CAPN14: variants seen among roughly 807,000 people sequenced by gnomAD.
CAPN14 encodes calpain-14.
A neutral mutation model predicts 101.3 loss-of-function variants in CAPN14; 94 were observed. That is an observed-to-expected ratio of 0.93 (90% confidence interval 0.79 to 1.10). The LOEUF is 1.10. Ranked by LOEUF, CAPN14 falls within the 50% of genes least tolerant of loss-of-function variation. The probability of loss-of-function intolerance (pLI) is 0.00; values close to 1 mark genes in which losing one functional copy is unlikely to be tolerated. For synonymous variants in CAPN14, 338 were observed against 317.9 expected (o/e 1.06, Z -0.67); for missense variants, 837 against 828.4 (o/e 1.01, Z -0.13).
intron 1 of CAPN14, among the ~76,000 whole-genome samples, chr2:31,207,723 G>A (rs996282357): frequency 6.6e-5 from 10 of 152,076 alleles, no homozygotes; most frequent in Admixed American, 2.6e-4. Context: ...CAGAGATGGC[G>A]GCACTGCACT....
In CAPN14 at chr2:31,174,390, T is replaced by C; in HGVS notation, c.*291A>G. The C allele has an allele frequency of 1.8e-6, 1 of 540,642 alleles. No individual in the cohort carries two copies. The highest frequency in any genetic ancestry group is 3.3e-6 in the Non-Finnish European group (1 of 302,056). The allele number at this position is 540,642 out of a possible 1,614,324, so 33.5% of individuals were successfully genotyped here. A position where few individuals can be genotyped will look rare whatever the true frequency, so the allele number is the denominator to read the frequency against. On this transcript the variant is annotated 3_prime_UTR_variant, in exon 22 of 22. Transcript: ENST00000403897. ...AACCACACCAGCTCTGGAGTCAGAATGCTTAGGCCATGTCAGGTAACATCT... is the reference window on the plus strand; with the variant it reads ...AACCACACCAGCTCTGGAGTCAGAACGCTTAGGCCATGTCAGGTAACATCT...
At chr2:31,228,281 G>C (rs1463648046) in intron 1 of CAPN14, 1 of 152,270 alleles carries the variant, frequency 6.6e-6, no homozygotes, top group Non-Finnish European at 1.5e-5. Context: ...CTTCTGGCCA[G>C]ACTCTGGTGT....
In CAPN14 at chr2:31,225,105, C is replaced by T. The variant is rs569244129; in HGVS notation, c.-53+1423G>A. On this transcript the variant is annotated intron_variant and NMD_transcript_variant, in intron 2 of 21. Coordinates refer to the CAPN14 transcript ENST00000398824. ...ATGTCCTTACTGTAAAAATTAAAAA[C>T]TCTTTCAAAACAATACGAAAAACAC... Among the ~76,000 whole-genome samples, 18 of 152,088 alleles carry T rather than the reference C, an allele frequency of 1.2e-4. No individual in the cohort carries two copies. In the South Asian group the frequency reaches 3.7e-3, roughly 32 times the overall value.
intron 1 of CAPN14, among the ~76,000 whole-genome samples, chr2:31,231,080 T>C (rs1683177684): frequency 6.6e-6 from 1 of 152,148 alleles, no homozygotes; most frequent in East Asian, 1.9e-4. Context: ...CATTGCTATG[T>C]TACTGTTGTC....
rs77745998 is a variant in CAPN14, at chr2:31,191,372, G to A, written c.1287+27C>T. 9.8e-4 allele frequency: 1,503 copies of A among 1,541,308 alleles called. 17 individuals are homozygous for A. The African/African-American group carries it at 0.018, about 19-fold the overall frequency. On this transcript the variant is annotated intron_variant, in intron 12 of 21. Coordinates refer to ENST00000403897, the MANE Select transcript of CAPN14 (RefSeq NM_001145122.2). ...CACATGTGATGTCACCCCAAACTAG[G>A]GCCACCCGGTCAAGTGCAGAACTCA...
intron 2 of CAPN14, among the ~76,000 whole-genome samples, chr2:31,203,474 C>T (rs1439540421): frequency 6.6e-6 from 1 of 152,116 alleles, no homozygotes; most frequent in Non-Finnish European, 1.5e-5. Flanking sequence ...GATATCTTCT[C>T]TTTCGCTTTT....
rs1391563229 is a variant in CAPN14, at chr2:31,230,242, T to G, written c.-177+3549A>C. Among the ~76,000 whole-genome samples, 1 of 152,218 alleles carries G rather than the reference T, an allele frequency of 6.6e-6. No individual in the cohort carries two copies. The highest frequency in any genetic ancestry group is 2.4e-5 in the African/African-American group (1 of 41,458). On this transcript the variant is annotated intron_variant and NMD_transcript_variant, in intron 1 of 21. Transcript: ENST00000398824. The surrounding 1 kb of genome is among the most constrained non-coding windows in gnomAD (Gnocchi z 4.3). ...TATATTTTATATGAATGTGGCACAT[T>G]TATCCATTTACTCGGTGAAGGACAT...
intron 1 of CAPN14, among the ~76,000 whole-genome samples, chr2:31,231,204 T>TA (rs1208198972): frequency 6.6e-6 from 1 of 152,160 alleles, no homozygotes; most frequent in Non-Finnish European, 1.5e-5. Context: ...AGCTTTTTTT[T>TA]ACTATTGCTC....
intron 5 of CAPN14, among the ~76,000 whole-genome samples, chr2:31,201,540 G>T (rs1681779689): frequency 6.6e-6 from 1 of 152,200 alleles, no homozygotes; most frequent in South Asian, 2.1e-4. Flanking sequence ...TGGGCCAAAT[G>T]AGAAGTGAAG....
chr2:31,174,830 G>C (rs10168043), intron 21 of CAPN14, 123 bp from the exon 22 acceptor site: 227,416 of 854,594 alleles, frequency 0.27, 34,741 homozygotes, highest in African/African-American at 0.56. Flanking sequence ...GCCAGAGGGA[G>C]CATATCATCC....
At position 31,186,509 on chromosome 2, in the gene CAPN14, G is replaced by T. The variant is rs1558615917; in HGVS notation, c.1588-24C>A. On this transcript the variant is annotated intron_variant, in intron 15 of 21. Transcript: ENST00000403897. ...TGCTAAATAGAAAGCAGATTGGCAA[G>T]AAAAAATAACTGTTACTGAAGGCTC... is the stretch of plus-strand genomic sequence containing the variant. 6 of 1,537,060 alleles carry T rather than the reference G, an allele frequency of 3.9e-6. No individual in the cohort carries two copies. The East Asian group carries it at 9.9e-5, about 25-fold the overall frequency.
At chr2:31,190,137 TTC>T (rs3031867) in intron 12 of CAPN14, among the ~76,000 whole-genome samples, 7,862 of 142,230 alleles carry the variant, frequency 0.055, 175 homozygotes, top group Middle Eastern at 0.073. Context: ...CTGATTCATA[TTC>T]TCTCTCTCTC....
chr2:31,194,276 C>A, intron 9 of CAPN14, 133 bp downstream of exon 9: 2 of 668,290 alleles, frequency 3.0e-6, no homozygotes, highest in Non-Finnish European at 2.7e-6. Flanking sequence ...AGACCGTGAG[C>A]TCCTAAAGGG....
chr2:31,202,197 C>T lies in CAPN14; in HGVS notation c.351G>A (p.Leu117=). The T allele has an allele frequency of 1.3e-6, 2 of 1,551,828 alleles. No homozygotes were observed. Among genetic ancestry groups the T allele is most frequent in the South Asian group, 1.2e-5 (1 of 84,064 alleles). ...LQALALHQDI[L]SRVVPLNQSF... ...TCTGATTCAGGGGAACAACCCGGCT[C>T]AGGATGTCCTGGTGCAAGGCCAGAG... The change falls in exon 4 of 22, where the codon CTG becomes CTA. Residue 117 remains leucine (L), a synonymous_variant. Transcript: ENST00000403897.
At position 31,188,320 on chromosome 2, in the gene CAPN14, T is replaced by G; in HGVS notation, c.1528A>C (p.Lys510Gln). The change falls in exon 14 of 22, where the codon AAG becomes CAG. Residue 510 changes from lysine to glutamine, a missense_variant and splice_region_variant. Physicochemically the swap from Lys to Gln is moderately conservative, Grantham distance 53. Transcript: ENST00000403897. ...IGSNSGVVFS[K>Q]EIEDQNERQD... ...TGGAATTCCACCAGACTACTCACCTTTGAGAAGACGACACCAGAATTGCTG... is the reference window on the plus strand; with the variant it reads ...TGGAATTCCACCAGACTACTCACCTGTGAGAAGACGACACCAGAATTGCTG... 1 of 1,551,474 alleles carries G rather than the reference T, an allele frequency of 6.4e-7. No homozygotes were observed. Among genetic ancestry groups the G allele is most frequent in the Non-Finnish European group, 8.7e-7 (1 of 1,146,812 alleles).
intron 1 of CAPN14, among the ~76,000 whole-genome samples, chr2:31,231,192 T>TA (rs1683181537): frequency 6.6e-6 from 1 of 151,656 alleles, no homozygotes; most frequent in South Asian, 2.1e-4. Flanking sequence ...CTGGAATATC[T>TA]AAGCTTTTTT....
At chr2:31,209,741 A>G (rs562819359) in intron 1 of CAPN14, among the ~76,000 whole-genome samples, 1 of 151,786 alleles carries the variant, frequency 6.6e-6, no homozygotes, top group African/African-American at 2.4e-5. Flanking sequence ...TGTGAGCAGG[A>G]TGACAGGAGC....
At chr2:31,216,674 C>G (rs1682657223) in intron 1 of CAPN14, among the ~76,000 whole-genome samples, 1 of 152,110 alleles carries the variant, frequency 6.6e-6, no homozygotes, top group East Asian at 1.9e-4. Context: ...AGGTACCACC[C>G]ACCAAAACAT....
At chr2:31,174,827 G>A in intron 21 of CAPN14, 120 bp from the exon 22 acceptor site, 1 of 910,246 alleles carries the variant, frequency 1.1e-6, no homozygotes, top group Non-Finnish European at 1.7e-6. Context: ...TTAGCCAGAG[G>A]GAGCATATCA....
Sources: allele counts gnomAD v4.1 joint callset (sites outside exome capture counted in the v4.1 genomes callset), GRCh38; gene constraint gnomAD v4.1.1; non-coding constraint Gnocchi (gnomAD v3.1); transcripts MANE v1.5; gene names NCBI Gene and HGNC (gene_info 2026-07-23, HGNC 2026-07-21).